RIN3: variants seen among roughly 807,000 people sequenced by gnomAD.
The protein encoded by RIN3 is RAB5 interacting protein 3.
In RIN3, 54 loss-of-function variants were observed where a neutral mutation model predicts 76.3. That is an observed-to-expected ratio of 0.71 (90% confidence interval 0.57 to 0.89). RIN3 has a LOEUF of 0.89. Ranked by LOEUF, RIN3 falls within the 40% of genes least tolerant of loss-of-function variation. The pLI, the probability that RIN3 is intolerant of heterozygous loss-of-function variation, is 0.00. For missense variants in RIN3, 1,256 were observed against 1,322.1 expected (o/e 0.95, Z 0.78); for synonymous variants, 576 against 564.0 (o/e 1.02, Z -0.30).
At chr14:92,523,571 G>A (rs1329536018) in intron 1 of RIN3, among the ~76,000 whole-genome samples, 1 of 152,236 alleles carries the variant, frequency 6.6e-6, no homozygotes, top group Non-Finnish European at 1.5e-5. Context: ...CCATTTCCTA[G>A]TGGAGGCAAG....
intron 3 of RIN3, among the ~76,000 whole-genome samples, chr14:92,580,539 T>C (rs1432236924): frequency 6.6e-6 from 1 of 152,222 alleles, no homozygotes; most frequent in Non-Finnish European, 1.5e-5. Context: ...AGGTGTGCTA[T>C]GAGGAATGTG....
intron 8 of RIN3, among the ~76,000 whole-genome samples, chr14:92,680,752 C>T (rs929652840): frequency 6.6e-6 from 1 of 152,222 alleles, no homozygotes; most frequent in Non-Finnish European, 1.5e-5. Flanking sequence ...AGAAAGCCTG[C>T]AAGTTGGATT....
chr14:92,566,268 T>C (rs1897913912), intron 2 of RIN3, among the ~76,000 whole-genome samples: 1 of 152,206 alleles, frequency 6.6e-6, no homozygotes, highest in Non-Finnish European at 1.5e-5. Flanking sequence ...TCTACCCTTC[T>C]ATTCCTCCAT....
At chr14:92,633,407 G>A (rs1306305865) in intron 4 of RIN3, among the ~76,000 whole-genome samples, 1 of 152,218 alleles carries the variant, frequency 6.6e-6, no homozygotes, top group African/African-American at 2.4e-5. Context: ...GCCCAGTGTT[G>A]TGACTAAGCC....
In RIN3 at chr14:92,597,623, C is replaced by A. The variant is rs112675024; in HGVS notation, c.368-17784C>A. Among the ~76,000 whole-genome samples the A allele has an allele frequency of 5.8e-3, 890 of 152,228 alleles. 6 individuals are homozygous for A. Among genetic ancestry groups the A allele is most frequent in the Non-Finnish European group, 6.9e-3 (466 of 68,008 alleles). ...ACCTCCCAAATAGAGTTTTGGGAGA[C>A]CCTTGGAGTGGGGTAGATTCTACTG... On this transcript the variant is annotated intron_variant, in intron 3 of 9. Coordinates refer to ENST00000216487, the MANE Select transcript of RIN3 (RefSeq NM_024832.5).
At position 92,652,215 on chromosome 14, in the gene RIN3, G is replaced by T. The variant is rs146421667; in HGVS notation, c.1166G>T (p.Arg389Leu). 2 of 1,606,562 alleles carry T rather than the reference G, an allele frequency of 1.2e-6. No individual in the cohort carries two copies. The highest frequency in any genetic ancestry group is 4.5e-5 in the East Asian group (2 of 44,674). Reference sequence around the variant, plus strand: ...AACCTTCCCACTGCCCCTCCCAGACGCCGCGTTTCCGAGAGGGTGTCCTTA... The same window carrying T: ...AACCTTCCCACTGCCCCTCCCAGACTCCGCGTTTCCGAGAGGGTGTCCTTA... ...KKNLPTAPPRRRVSERVSLED... is the reference protein window; with the variant it reads ...KKNLPTAPPRLRVSERVSLED... The change falls in exon 6 of 10, where the codon CGC becomes CTC. Residue 389 changes from arginine (R) to leucine (L), a missense_variant. Around this residue, in one of 3 missense-constraint regions of RIN3, gnomAD observed 610 missense variants for 626.4 expected, o/e 0.97. Coordinates refer to ENST00000216487, the MANE Select transcript of RIN3 (RefSeq NM_024832.5). The surrounding 1 kb of genome is among the most constrained non-coding windows in gnomAD (Gnocchi z 6.4).
intron 3 of RIN3, among the ~76,000 whole-genome samples, chr14:92,595,258 G>A (rs549674660): frequency 6.6e-6 from 1 of 152,220 alleles, no homozygotes; most frequent in Non-Finnish European, 1.5e-5. Context: ...GGCATTGCAG[G>A]CAATGGGATG....
chr14:92,679,573 G>A (rs1368009851), intron 8 of RIN3, among the ~76,000 whole-genome samples: 1 of 152,114 alleles, frequency 6.6e-6, no homozygotes, highest in Non-Finnish European at 1.5e-5. Flanking sequence ...AATGGATCTG[G>A]GTCCCAGGGC....
At chr14:92,638,666 T>C (rs927866772) in intron 4 of RIN3, among the ~76,000 whole-genome samples, 1 of 151,986 alleles carries the variant, frequency 6.6e-6, no homozygotes, top group Non-Finnish European at 1.5e-5. Flanking sequence ...CCCTTCAAAA[T>C]TAGAGCTGGG....
At position 92,577,410 on chromosome 14, in the gene RIN3, CCA is replaced by C. The variant is rs1172044788; in HGVS notation, c.302_303del (p.His101LeufsTer17). ...SSSKQLVLCV[H>X]FPSLNESSAE... ...GCTCGAAGCAGCTGGTGCTCTGTGT[CCA>C]CTTTCCTTCTCTGAACGAAAGCTCG... On this transcript the variant is annotated frameshift_variant, in exon 3 of 10. Coordinates refer to ENST00000216487, the MANE Select transcript of RIN3 (RefSeq NM_024832.5). LOFTEE classifies it high-confidence loss of function. The C allele has an allele frequency of 6.2e-7, 1 of 1,613,868 alleles. No homozygotes were observed. The highest frequency in any genetic ancestry group is 8.5e-7 in the Non-Finnish European group (1 of 1,179,854).
At chr14:92,549,813 T>C (rs942060) in intron 1 of RIN3, among the ~76,000 whole-genome samples, 58,315 of 152,138 alleles carry the variant, frequency 0.38, 11,353 homozygotes, top group East Asian at 0.6. Context: ...TCTGAGCTCA[T>C]TGCTCTATTC....
chr14:92,531,430 C>T (rs1350618455), intron 1 of RIN3, among the ~76,000 whole-genome samples: 3 of 152,210 alleles, frequency 2.0e-5, no homozygotes, highest in African/African-American at 7.2e-5. Context: ...GCTTTAAAAT[C>T]TGATGGGGGC....
At chr14:92,620,463 G>T (rs1167197641) in intron 4 of RIN3, among the ~76,000 whole-genome samples, 1 of 152,202 alleles carries the variant, frequency 6.6e-6, no homozygotes, top group Non-Finnish European at 1.5e-5. Flanking sequence ...TAGAAAGTTG[G>T]TGTGCTCCAT....
At chr14:92,614,239 G>T (rs944287174) in intron 3 of RIN3, among the ~76,000 whole-genome samples, 1 of 152,192 alleles carries the variant, frequency 6.6e-6, no homozygotes, top group African/African-American at 2.4e-5. Flanking sequence ...CAGCCATTCA[G>T]GTTCTGAGAG....
intron 7 of RIN3, among the ~76,000 whole-genome samples, chr14:92,662,385 T>TG (rs772880110): frequency 2.0e-5 from 3 of 152,212 alleles, no homozygotes; most frequent in South Asian, 2.1e-4. Flanking sequence ...CCTGGGACCC[T>TG]GGGGGGGATC....
In RIN3 at chr14:92,568,573, G is replaced by A. The variant is rs1295584558; in HGVS notation, c.250-8787G>A. Among the ~76,000 whole-genome samples, 1 of 152,204 alleles carries A rather than the reference G, an allele frequency of 6.6e-6. No individual in the cohort carries two copies. Among genetic ancestry groups the A allele is most frequent in the Admixed American group, 6.5e-5 (1 of 15,284 alleles). On this transcript the variant is annotated intron_variant, in intron 2 of 9. Transcript: ENST00000216487. The surrounding 1 kb of genome is among the most constrained non-coding windows in gnomAD (Gnocchi z 4.2). ...GACCCTCTGATTCCAGTTGGCCAAG[G>A]CAGACCACAGACCTGGGCTCTGCCC...
chr14:92,684,774 G>A (rs555536758), intron 8 of RIN3, among the ~76,000 whole-genome samples: 2 of 152,244 alleles, frequency 1.3e-5, no homozygotes, highest in East Asian at 3.9e-4. Context: ...TTTGAGCAGG[G>A]CCCAGACAGC....
At chr14:92,600,695 G>A (rs1475537619) in intron 3 of RIN3, among the ~76,000 whole-genome samples, 1 of 152,152 alleles carries the variant, frequency 6.6e-6, no homozygotes, top group Non-Finnish European at 1.5e-5. Context: ...GCACTCCTGG[G>A]CTCCTGCCGG....
At chr14:92,519,850 C>T (rs1486398523) in intron 1 of RIN3, among the ~76,000 whole-genome samples, 1 of 152,210 alleles carries the variant, frequency 6.6e-6, no homozygotes, top group Non-Finnish European at 1.5e-5. Flanking sequence ...GGCCTTCCCT[C>T]AGCCTGGCGT....
Sources: gnomAD v4.1 joint callset for allele counts (sites outside exome capture counted in the v4.1 genomes callset) on GRCh38, gnomAD v4.1.1 for gene constraint, gnomAD v4.1.1 regional missense constraint, Gnocchi (gnomAD v3.1) non-coding constraint, MANE v1.5 for transcripts, NCBI Gene and HGNC (gene_info 2026-07-23, HGNC 2026-07-21) for gene names.